Variants in PTPN14 observed in about 807,000 individuals in gnomAD.
PTPN14 encodes the protein protein tyrosine phosphatase non-receptor type 14.
In PTPN14, 53 loss-of-function variants were observed where a neutral mutation model predicts 126.8. The observed-to-expected ratio is 0.42, with a 90% CI of 0.34 to 0.53. The LOEUF (loss-of-function observed/expected upper bound fraction) is 0.53, where lower values mean the gene tolerates loss of function less well. Ranked by LOEUF, PTPN14 falls within the 20% of genes least tolerant of loss-of-function variation. The pLI is 0.08. For missense variants in PTPN14, 1,257 were observed against 1,552.9 expected (o/e 0.81, Z 3.20); for synonymous variants, 630 against 599.3 (o/e 1.05, Z -0.75).
At chr1:214,490,908 GGAA>G (rs1558127170) in intron 1 of PTPN14, among the ~76,000 whole-genome samples, 190 of 16,520 alleles carry the variant, frequency 0.012, 51 homozygotes, top group Middle Eastern at 0.056. Context: ...GGAAGGGGAA[GGAA>G]GGGAAGGAAA....
chr1:214,473,146 A>T (rs913754350), intron 1 of PTPN14, among the ~76,000 whole-genome samples: 1 of 150,424 alleles, frequency 6.6e-6, no homozygotes, highest in Non-Finnish European at 1.5e-5. Flanking sequence ...ATTTTTAATT[A>T]AAAAAAATTT....
intron 1 of PTPN14, among the ~76,000 whole-genome samples, chr1:214,471,486 A>G (rs968498755): frequency 6.6e-6 from 1 of 152,202 alleles, no homozygotes; most frequent in African/African-American, 2.4e-5. Context: ...GAGCACTCAG[A>G]AAGTGTGGAC....
intron 15 of PTPN14, among the ~76,000 whole-genome samples, chr1:214,374,622 G>A (rs748018569): frequency 6.6e-6 from 1 of 152,174 alleles, no homozygotes; most frequent in African/African-American, 2.4e-5. Context: ...GAACCCAGGG[G>A]GGAAAACACT....
intron 1 of PTPN14, among the ~76,000 whole-genome samples, chr1:214,465,489 C>T (rs11120331): frequency 0.83 from 125,727 of 152,018 alleles, 52,110 homozygotes; most frequent in African/African-American, 0.89. Context: ...GGCATGATGG[C>T]GTGTGCCTGT....
intron 2 of PTPN14, among the ~76,000 whole-genome samples, chr1:214,460,626 TAC>T (rs772719633): frequency 3.3e-3 from 25 of 7,684 alleles, no homozygotes; most frequent in East Asian, 6.1e-3. Flanking sequence ...CACACACACA[TAC>T]ACACACACAC....
rs1226544716 is a variant in PTPN14 at position 214,551,551 on chromosome 1, GCC to G, written c.-525_-524del. ...TGAGCCCGGAGAAGCACAGCAACCTGCCCCCGAGTCTGCGCCCGCTGCGCTCA... is the reference window on the plus strand; with the variant it reads ...TGAGCCCGGAGAAGCACAGCAACCTGCCCGAGTCTGCGCCCGCTGCGCTCA... On this transcript the variant is annotated 5_prime_UTR_variant, in exon 1 of 19. Coordinates refer to ENST00000366956, the MANE Select transcript of PTPN14 (RefSeq NM_005401.5). 1 of 152,292 alleles carries G rather than the reference GCC, an allele frequency of 6.6e-6. No homozygotes were observed. The highest frequency in any genetic ancestry group is 1.5e-5 in the Non-Finnish European group (1 of 68,164). 9.4% of individuals were successfully genotyped at this position (152,292 alleles called of 1,614,324 possible).
At chr1:214,484,721 A>G (rs1265614994) in intron 1 of PTPN14, among the ~76,000 whole-genome samples, 1 of 152,196 alleles carries the variant, frequency 6.6e-6, no homozygotes, top group Non-Finnish European at 1.5e-5. Context: ...TGGGTAGGTT[A>G]TGGGTAGGGA....
At chr1:214,463,318 C>A (rs578207912) in intron 2 of PTPN14, among the ~76,000 whole-genome samples, 4 of 46,914 alleles carry the variant, frequency 8.5e-5, no homozygotes, top group South Asian at 5.3e-4. Flanking sequence ...GTGATACCAA[C>A]GAGAAAAAGA....
intron 1 of PTPN14, among the ~76,000 whole-genome samples, chr1:214,498,064 T>C (rs1254363489): frequency 6.6e-6 from 1 of 152,214 alleles, no homozygotes; most frequent in African/African-American, 2.4e-5. Flanking sequence ...TCATTATTAC[T>C]TTTATATTCA....
intron 3 of PTPN14, among the ~76,000 whole-genome samples, chr1:214,450,684 A>G (rs933360482): frequency 6.6e-6 from 1 of 152,204 alleles, no homozygotes; most frequent in African/African-American, 2.4e-5. Flanking sequence ...TAAAAGGCAA[A>G]AAGTAAAGGG....
Position 214,426,004 on chromosome 1 carries a change from T to C in PTPN14, c.345-11278A>G, listed in dbSNP as rs1469412112. Reference sequence around the variant, plus strand: ...TGTGCCTGTGTAGTAGGTTAGTCTATAGTTTCTACAATCTGGAGCATAAAT... The same window carrying C: ...TGTGCCTGTGTAGTAGGTTAGTCTACAGTTTCTACAATCTGGAGCATAAAT... On this transcript the variant is annotated intron_variant, in intron 3 of 18. Coordinates refer to ENST00000366956, the MANE Select transcript of PTPN14 (RefSeq NM_005401.5). 2.6e-5 allele frequency among the ~76,000 whole-genome samples: 3 copies of C among 116,594 alleles called. No homozygotes were observed. In the East Asian group the frequency reaches 7.6e-4, roughly 30 times the overall value. The allele number at this position is 116,594 out of a possible 152,430, so 76.5% of individuals were successfully genotyped here. A position where few individuals can be genotyped will look rare whatever the true frequency, so the allele number is the denominator to read the frequency against.
chr1:214,370,225 A>G (rs1658184933), intron 16 of PTPN14, among the ~76,000 whole-genome samples: 1 of 150,680 alleles, frequency 6.6e-6, no homozygotes, highest in Non-Finnish European at 1.5e-5. Flanking sequence ...GCTTGCAGTG[A>G]GCCAAGATCA....
intron 1 of PTPN14, among the ~76,000 whole-genome samples, chr1:214,536,030 C>G (rs1477757243): frequency 1.3e-5 from 2 of 152,116 alleles, no homozygotes; most frequent in African/African-American, 2.4e-5. Context: ...TAATGTGAAT[C>G]ATTTTCACTA....
intron 10 of PTPN14, 103 bp from the exon 11 acceptor site, chr1:214,391,148 G>A (rs190098520): frequency 6.3e-5 from 46 of 727,668 alleles, no homozygotes; most frequent in Admixed American, 1.4e-4. Context: ...ACTGGTAATC[G>A]TTATATCAAA....
At chr1:214,498,783 C>T (rs1157797596) in intron 1 of PTPN14, among the ~76,000 whole-genome samples, 1 of 151,874 alleles carries the variant, frequency 6.6e-6, no homozygotes, top group Non-Finnish European at 1.5e-5. Flanking sequence ...ATGCCCATAC[C>T]CTTTAAAATT....
intron 1 of PTPN14, among the ~76,000 whole-genome samples, chr1:214,496,398 G>A (rs530837091): frequency 6.6e-6 from 1 of 152,270 alleles, no homozygotes; most frequent in East Asian, 1.9e-4. Flanking sequence ...TCAGGGGCAA[G>A]GAATTCTAGT....
chr1:214,500,278 G>A (rs1248854760), intron 1 of PTPN14, among the ~76,000 whole-genome samples: 1 of 152,036 alleles, frequency 6.6e-6, no homozygotes, highest in Non-Finnish European at 1.5e-5. Context: ...CTGGGACAAA[G>A]GCAGACTCTG....
At chr1:214,361,143 T>C (rs1315838117) in intron 18 of PTPN14, among the ~76,000 whole-genome samples, 1 of 152,206 alleles carries the variant, frequency 6.6e-6, no homozygotes, top group East Asian at 1.9e-4. Flanking sequence ...CAGGTAGTTC[T>C]TTATAGCAGT....
At chr1:214,522,291 G>T (rs2102458700) in intron 1 of PTPN14, among the ~76,000 whole-genome samples, 1 of 152,260 alleles carries the variant, frequency 6.6e-6, no homozygotes, top group East Asian at 1.9e-4. Context: ...TACCAGTCAT[G>T]TAGCATCTTA....
Sources: allele counts gnomAD v4.1 joint callset (sites outside exome capture counted in the v4.1 genomes callset), GRCh38; gene constraint gnomAD v4.1.1; transcripts MANE v1.5; gene names NCBI Gene and HGNC (gene_info 2026-07-23, HGNC 2026-07-21).